HYCC1: variants seen among roughly 807,000 people sequenced by gnomAD.
The protein encoded by HYCC1 is hyccin.
chr7:22,957,042 T>A, the HYCC1 span, among the ~76,000 whole-genome samples: 8 of 152,098 alleles, frequency 5.3e-5, no homozygotes, highest in African/African-American at 1.9e-4. Context: ...CATTCTAGGA[T>A]AGCTTTAAAA....
At chr7:22,990,954 C>A in the HYCC1 span, 1 of 740,780 alleles carries the variant, frequency 1.3e-6, no homozygotes, top group East Asian at 2.6e-5. Context: ...AATACTTCCA[C>A]AGATATTTAG....
At chr7:23,002,134 T>TTGTATA in the HYCC1 span, among the ~76,000 whole-genome samples, 1 of 93,238 alleles carries the variant, frequency 1.1e-5, no homozygotes, top group South Asian at 3.6e-4. Flanking sequence ...ATGGTAAAAA[T>TTGTATA]TGTATATATA....
chr7:22,986,007 G>A, the HYCC1 span, among the ~76,000 whole-genome samples: 2 of 146,268 alleles, frequency 1.4e-5, no homozygotes, highest in East Asian at 2.0e-4. Flanking sequence ...AAAAAAATTA[G>A]TGAATAGAAA....
the HYCC1 span, among the ~76,000 whole-genome samples, chr7:22,957,485 A>AC: frequency 1.3e-5 from 2 of 152,042 alleles, no homozygotes; most frequent in South Asian, 4.1e-4. Context: ...AAAAAGAAAA[A>AC]AGGGCCAATT....
chr7:22,954,171 T>C, the HYCC1 span, among the ~76,000 whole-genome samples: 1 of 151,234 alleles, frequency 6.6e-6, no homozygotes, highest in Non-Finnish European at 1.5e-5. Flanking sequence ...CAAGATTTAT[T>C]ACCATTTACC....
At chr7:22,997,695 C>T in the HYCC1 span, among the ~76,000 whole-genome samples, 1 of 152,080 alleles carries the variant, frequency 6.6e-6, no homozygotes, top group African/African-American at 2.4e-5. Flanking sequence ...TCACTGCCTA[C>T]CTAGGTCATC....
chr7:22,916,974 A>G, the HYCC1 span, among the ~76,000 whole-genome samples: 1 of 152,226 alleles, frequency 6.6e-6, no homozygotes, highest in African/African-American at 2.4e-5. Flanking sequence ...AGGGTCCTCC[A>G]TCATTAATGC....
chr7:22,959,328 T>A, the HYCC1 span, among the ~76,000 whole-genome samples: 1 of 152,118 alleles, frequency 6.6e-6, no homozygotes, highest in Non-Finnish European at 1.5e-5. Flanking sequence ...CATAAATAGC[T>A]CCATTCTTCT....
the HYCC1 span, among the ~76,000 whole-genome samples, chr7:22,900,557 G>C: frequency 6.2e-4 from 95 of 152,154 alleles, no homozygotes; most frequent in South Asian, 0.011. Context: ...GTATTAAAAA[G>C]GCAAGATCTG....
chr7:22,951,846 CA>C, the HYCC1 span, among the ~76,000 whole-genome samples: 1 of 151,442 alleles, frequency 6.6e-6, no homozygotes, highest in Non-Finnish European at 1.5e-5. Flanking sequence ...AACAAAATAC[CA>C]AAAAAGTTTA....
chr7:22,971,843 C>T, the HYCC1 span, among the ~76,000 whole-genome samples: 29,263 of 152,136 alleles, frequency 0.19, 3,404 homozygotes, highest in Non-Finnish European at 0.26. Flanking sequence ...ATAAAGTCTG[C>T]ATCTTCTGTC....
At chr7:22,945,434 G>C in the HYCC1 span, 4 of 651,414 alleles carry the variant, frequency 6.1e-6, no homozygotes, top group South Asian at 1.8e-5. Flanking sequence ...CTGCAACCTA[G>C]ACAATCTTCC....
the HYCC1 span, among the ~76,000 whole-genome samples, chr7:22,954,233 AATT>A: frequency 2.0e-5 from 3 of 150,952 alleles, no homozygotes; most frequent in Admixed American, 1.3e-4. Flanking sequence ...ATTTATAAAC[AATT>A]ATTATTTATA....
At chr7:23,013,116 T>C in the HYCC1 span, among the ~76,000 whole-genome samples, 14 of 152,332 alleles carry the variant, frequency 9.2e-5, no homozygotes, top group South Asian at 2.7e-3. Flanking sequence ...AGCACACATG[T>C]GCAAGCTGAC....
the HYCC1 span, among the ~76,000 whole-genome samples, chr7:22,963,467 A>G: frequency 5.3e-5 from 8 of 152,222 alleles, no homozygotes; most frequent in East Asian, 9.6e-4. Flanking sequence ...AAGGAAAAAA[A>G]TCCATAAATG....
the HYCC1 span, chr7:22,978,484 A>C: frequency 3.3e-6 from 5 of 1,534,104 alleles, no homozygotes; most frequent in Admixed American, 1.7e-5. Context: ...CAAGAACTGG[A>C]CTGTATTTGA....
At chr7:22,980,274 G>GTT in the HYCC1 span, among the ~76,000 whole-genome samples, 50,071 of 146,122 alleles carry the variant, frequency 0.34, 8,436 homozygotes, top group East Asian at 0.47. Context: ...ATTTTTTAAT[G>GTT]TTTTTTTTTT....
At chr7:22,896,660 C>T in the HYCC1 span, among the ~76,000 whole-genome samples, 1 of 152,178 alleles carries the variant, frequency 6.6e-6, no homozygotes, top group Non-Finnish European at 1.5e-5. Flanking sequence ...CATTCCCTGG[C>T]AGAGAGGAGA....
chr7:22,967,532 G>A, the HYCC1 span, among the ~76,000 whole-genome samples: 7 of 152,254 alleles, frequency 4.6e-5, no homozygotes, highest in African/African-American at 1.7e-4. Context: ...CGTAGACACT[G>A]GTAAGCAACT....
Sources: allele counts gnomAD v4.1 joint callset (sites outside exome capture counted in the v4.1 genomes callset), GRCh38; gene constraint gnomAD v4.1.1; transcripts MANE v1.5; gene names NCBI Gene and HGNC (gene_info 2026-07-23, HGNC 2026-07-21).